Variants in HAUS8 observed in about 807,000 individuals in gnomAD.
The protein encoded by HAUS8 is HAUS augmin-like complex subunit 8.
A neutral mutation model predicts 42.9 loss-of-function variants in HAUS8; 38 were observed. The ratio of observed to expected loss-of-function variants is 0.89; its 90% CI spans 0.68 to 1.16. The LOEUF is 1.16. HAUS8 is among the 50% of genes most tolerant of loss of function. The probability of loss-of-function intolerance (pLI) is 0.00; values close to 1 mark genes in which losing one functional copy is unlikely to be tolerated. For synonymous variants in HAUS8, 199 were observed against 205.8 expected, an observed-to-expected ratio of 0.97 and a Z score of 0.28; for missense variants, 494 against 511.6, an observed-to-expected ratio of 0.97 and a Z score of 0.33.
intron 9 of HAUS8, chr19:17,055,147 T>TATAC (rs1250344003): frequency 9.5e-4 from 6 of 6,346 alleles, no homozygotes; most frequent in Non-Finnish European, 1.3e-3. Context: ...AAAAAAAATA[T>TATAC]ATATATATAT....
In HAUS8 at chr19:17,058,812, T is replaced by A. The variant is rs930266215; in HGVS notation, c.485A>T (p.Lys162Met). ...ACGTGAACAAGAAACTGTTTTCACCTTTACGGATAGTAGCGTCAGCAGTAG... is the reference window on the plus strand; with the variant it reads ...ACGTGAACAAGAAACTGTTTTCACCATTACGGATAGTAGCGTCAGCAGTAG... The part of the protein sequence containing the change: ...QTLLLTLLSV[K>M]MENNLAEFER... The change falls in exon 7 of 11, where the codon AAG (lysine) becomes ATG (methionine). Residue 162 changes from lysine to methionine, a missense_variant and splice_region_variant. By Grantham distance (95) the Lys-to-Met change is moderately conservative. Coordinates refer to ENST00000253669, the MANE Select transcript of HAUS8 (RefSeq NM_033417.2). 1.9e-6 allele frequency: 3 copies of A among 1,613,222 alleles called. No individual in the cohort carries two copies. The highest frequency in any genetic ancestry group is 2.5e-6 in the Non-Finnish European group (3 of 1,179,728).
intron 7 of HAUS8, 48 bp from the exon 8 acceptor site, chr19:17,058,755 GTGAA>G: frequency 6.2e-7 from 1 of 1,604,918 alleles, no homozygotes; most frequent in Non-Finnish European, 8.5e-7. Flanking sequence ...CTCCCTCCCC[GTGAA>G]TGGAGGCCAC....
intron 3 of HAUS8, 51 bp from the exon 4 acceptor site, chr19:17,062,830 A>G (rs374658264): frequency 1.4e-6 from 2 of 1,380,082 alleles, no homozygotes; most frequent in Non-Finnish European, 2.1e-6. Flanking sequence ...TCCCTTCACA[A>G]CAACGGGCCC....
At chr19:17,062,841 T>A (rs1267506236) in intron 3 of HAUS8, 62 bp from the exon 4 acceptor site, 1 of 1,100,822 alleles carries the variant, frequency 9.1e-7, no homozygotes, top group Non-Finnish European at 1.4e-6. Flanking sequence ...CAACGGGCCC[T>A]GATGCGGTCT....
At chr19:17,069,229 C>T in intron 2 of HAUS8, 143 bp from the exon 3 acceptor site, 1 of 717,938 alleles carries the variant, frequency 1.4e-6, no homozygotes, top group East Asian at 2.7e-5. Context: ...ACTCCTCCTG[C>T]TCGCCTCTGA....
intron 4 of HAUS8, among the ~76,000 whole-genome samples, chr19:17,060,463 C>T (rs2123370208): frequency 6.6e-6 from 1 of 152,308 alleles, no homozygotes; most frequent in Middle Eastern, 3.4e-3. Context: ...ACCCAGGTGA[C>T]AATGGTGCAA....
rs753355380 is a variant in HAUS8 at position 17,062,818 on chromosome 19, C to A, written c.148-39G>T. On this transcript the variant is annotated intron_variant, in intron 3 of 10. Coordinates refer to ENST00000253669, the MANE Select transcript of HAUS8 (RefSeq NM_033417.2). The stretch of plus-strand genomic sequence containing the variant: ...ACATGACACTCAGAGGACAAGACAT[C>A]CTCCCTTCACAACAACGGGCCCTGA... 4 of 1,492,802 alleles carry A rather than the reference C, an allele frequency of 2.7e-6. No individual in the cohort carries two copies. In the East Asian group the frequency reaches 9.0e-5, roughly 34 times the overall value. 92.5% of individuals were successfully genotyped at this position (1,492,802 alleles called of 1,614,324 possible). A position where few individuals can be genotyped will look rare whatever the true frequency, so the allele number is the denominator to read the frequency against.
At chr19:17,057,115 TAAG>T (rs1240035089) in intron 8 of HAUS8, among the ~76,000 whole-genome samples, 5 of 152,050 alleles carry the variant, frequency 3.3e-5, no homozygotes, top group Non-Finnish European at 7.4e-5. Context: ...TTTCAGAGGC[TAAG>T]GAGGGCGGAT....
At chr19:17,057,911 G>T (rs918956434) in intron 8 of HAUS8, among the ~76,000 whole-genome samples, 1 of 152,238 alleles carries the variant, frequency 6.6e-6, no homozygotes, top group African/African-American at 2.4e-5. Context: ...GGGAGGACAT[G>T]TGAACACAGA....
chr19:17,059,951 C>T (rs1480212661), intron 5 of HAUS8, 46 bp downstream of exon 5: 1 of 1,404,532 alleles, frequency 7.1e-7, no homozygotes, highest in Admixed American at 1.7e-5. Flanking sequence ...CTGAGACCTA[C>T]TGCAACCCCC....
chr19:17,075,425 T>C lies in HAUS8; in HGVS notation c.-3A>G, dbSNP rs778042429. The C allele has an allele frequency of 6.2e-7, 1 of 1,613,676 alleles. No homozygotes were observed. ...CCTCGCCCCGAGGAATCCGCCATTTTCCCGCCTTCCACCTCAAGGCCCGAC... is the reference window on the plus strand; with the variant it reads ...CCTCGCCCCGAGGAATCCGCCATTTCCCCGCCTTCCACCTCAAGGCCCGAC... On this transcript the variant is annotated 5_prime_UTR_variant, in exon 1 of 11. Coordinates refer to ENST00000253669, the MANE Select transcript of HAUS8 (RefSeq NM_033417.2).
rs1476812386 is a variant in HAUS8, at chr19:17,066,308, G to A, written c.147+2723C>T. ...GACGGGGTCTCGCCCATGCTAGTTT[G>A]GAACTCCTGGCCTCAAGCAATCCTC... is the stretch of plus-strand genomic sequence containing the variant. On this transcript the variant is annotated intron_variant, in intron 3 of 10. Coordinates refer to ENST00000253669, the MANE Select transcript of HAUS8 (RefSeq NM_033417.2). 2.6e-5 allele frequency among the ~76,000 whole-genome samples: 4 copies of A among 151,694 alleles called. No homozygotes were observed. In the East Asian group the frequency reaches 5.8e-4, roughly 22 times the overall value.
At chr19:17,069,606 GCCCAACCCCAGGTC>G (rs142568552) in intron 2 of HAUS8, among the ~76,000 whole-genome samples, 66,178 of 150,862 alleles carry the variant, frequency 0.44, 14,755 homozygotes, top group South Asian at 0.57. Context: ...CCTAGTGACA[GCCCAACCCCAGGTC>G]CCCTTCCAGG....
chr19:17,054,693 C>T (rs1187987183), intron 9 of HAUS8, among the ~76,000 whole-genome samples: 1 of 151,718 alleles, frequency 6.6e-6, no homozygotes, highest in Non-Finnish European at 1.5e-5. Flanking sequence ...CCTAGCTACT[C>T]GGGAGGCTGA....
rs896530261 is a variant in HAUS8, at chr19:17,062,796, T to C, written c.148-17A>G. On this transcript the variant is annotated splice_polypyrimidine_tract_variant and intron_variant, in intron 3 of 10. Transcript: ENST00000253669. ...TGCAGGAGCCTGTTATGGGAACACA[T>C]GACACTCAGAGGACAAGACATCCTC... 6.9e-6 allele frequency: 11 copies of C among 1,596,890 alleles called. No individual in the cohort carries two copies. The highest frequency in any genetic ancestry group is 9.4e-6 in the Non-Finnish European group (11 of 1,164,580).
Position 17,058,709 on chromosome 19 carries a change from T to C in HAUS8, c.487-2A>G. On this transcript the variant is annotated splice_acceptor_variant, in intron 7 of 10. Transcript: ENST00000253669. LOFTEE classifies it high-confidence loss of function. ...AAACTCAGCAAGATTGTTCTCCATC[T>C]GTTAAATGTGAAAGAAAAGCTCAAG... The C allele has an allele frequency of 1.2e-6, 2 of 1,603,642 alleles. No homozygotes were observed. The highest frequency in any genetic ancestry group is 1.7e-6 in the Non-Finnish European group (2 of 1,175,428).
At chr19:17,067,488 A>T (rs1212416833) in intron 3 of HAUS8, among the ~76,000 whole-genome samples, 1 of 152,160 alleles carries the variant, frequency 6.6e-6, no homozygotes, top group Non-Finnish European at 1.5e-5. Context: ...TATGTCTGTC[A>T]AAACAGGCAA....
chr19:17,058,901 CA>C, intron 6 of HAUS8, 25 bp from the exon 7 acceptor site: 1 of 1,585,750 alleles, frequency 6.3e-7, no homozygotes, highest in Non-Finnish European at 8.6e-7. Context: ...AAGACCCTCT[CA>C]ATTCCTGATG....
At chr19:17,064,544 C>T (rs1415268295) in intron 3 of HAUS8, among the ~76,000 whole-genome samples, 3 of 152,138 alleles carry the variant, frequency 2.0e-5, no homozygotes, top group Non-Finnish European at 2.9e-5. Flanking sequence ...TGGAAAAGAA[C>T]AGAGCCCAGA....
Sources: gnomAD v4.1 joint callset for allele counts (sites outside exome capture counted in the v4.1 genomes callset) on GRCh38, gnomAD v4.1.1 for gene constraint, MANE v1.5 for transcripts, NCBI Gene and HGNC (gene_info 2026-07-23, HGNC 2026-07-21) for gene names.